Variants in AP3B1 observed in about 807,000 individuals in gnomAD.
AP3B1 encodes the protein adaptor related protein complex 3 subunit beta 1.
Under a neutral mutation model 132.5 loss-of-function variants are expected in AP3B1, and 61 were observed. The observed-to-expected ratio is 0.46, with a 90% CI of 0.37 to 0.57. The LOEUF (loss-of-function observed/expected upper bound fraction) is 0.57, where lower values mean the gene tolerates loss of function less well. AP3B1 is among the 20% of genes least tolerant of loss of function. The pLI is 0.00. For synonymous variants in AP3B1, 388 were observed against 438.3 expected (o/e 0.89, Z 1.43); for missense variants, 1,120 against 1,289.4 (o/e 0.87, Z 2.01).
At chr5:78,273,548 G>A (rs13158128) in intron 1 of AP3B1, among the ~76,000 whole-genome samples, 34,288 of 152,046 alleles carry the variant, frequency 0.23, 4,535 homozygotes, top group Middle Eastern at 0.31. Context: ...GGCTGCCACA[G>A]TGACTGAGAC....
intron 1 of AP3B1, among the ~76,000 whole-genome samples, chr5:78,274,016 C>CA (rs1561214334): frequency 2.7e-5 from 3 of 113,038 alleles, no homozygotes; most frequent in South Asian, 2.9e-4. Context: ...TACCCCCGCC[C>CA]AAAAAAGAAA....
chr5:78,158,747 A>C (rs1227055524), intron 13 of AP3B1, among the ~76,000 whole-genome samples: 1 of 150,664 alleles, frequency 6.6e-6, no homozygotes, highest in Non-Finnish European at 1.5e-5. Flanking sequence ...CTGAGGCTGG[A>C]GTGCAGTGGC....
intron 20 of AP3B1, among the ~76,000 whole-genome samples, chr5:78,103,589 T>G (rs1035165816): frequency 1.3e-5 from 2 of 152,190 alleles, no homozygotes; most frequent in African/African-American, 4.8e-5. Flanking sequence ...AATTTGTTTT[T>G]GTATATTTTT....
At chr5:78,228,574 A>G (rs896420978) in intron 3 of AP3B1, among the ~76,000 whole-genome samples, 2 of 152,238 alleles carry the variant, frequency 1.3e-5, no homozygotes, top group African/African-American at 4.8e-5. Flanking sequence ...AAAAGAAAGA[A>G]GCCAGGCATG....
At chr5:78,209,149 G>C (rs78216650) in intron 7 of AP3B1, among the ~76,000 whole-genome samples, 1 of 151,588 alleles carries the variant, frequency 6.6e-6, no homozygotes, top group Non-Finnish European at 1.5e-5. Flanking sequence ...CCACCTGAAG[G>C]GACCCCTTCT....
At chr5:78,113,724 T>C (rs760738097) in intron 19 of AP3B1, 28 bp downstream of exon 19, 12 of 1,611,678 alleles carry the variant, frequency 7.4e-6, no homozygotes, top group Non-Finnish European at 8.5e-6. Flanking sequence ...GAATATTTTT[T>C]GAAGGAAATT....
intron 1 of AP3B1, among the ~76,000 whole-genome samples, chr5:78,280,938 A>T (rs1268974658): frequency 6.6e-6 from 1 of 152,172 alleles, no homozygotes; most frequent in Non-Finnish European, 1.5e-5. Context: ...ACACTCAAAA[A>T]TGGTTAAGAT....
rs184238249 is a variant in AP3B1, at chr5:78,025,902, T to C, written c.2895-5113A>G. On this transcript the variant is annotated intron_variant, in intron 24 of 26. Coordinates refer to ENST00000255194, the MANE Select transcript of AP3B1 (RefSeq NM_003664.5). ...CACTTTGTAAGCCAGTTTCATCTTG[T>C]AAGCAAGGCGTGGCTTATAATAGAA... Among the ~76,000 whole-genome samples, 287 of 152,324 alleles carry C rather than the reference T, an allele frequency of 1.9e-3. 2 individuals are homozygous for C. Among genetic ancestry groups the C allele is most frequent in the Non-Finnish European group, 6.5e-4 (44 of 68,026 alleles).
intron 1 of AP3B1, among the ~76,000 whole-genome samples, chr5:78,286,999 T>C (rs1749308833): frequency 6.6e-6 from 1 of 152,226 alleles, no homozygotes; most frequent in Admixed American, 6.5e-5. Flanking sequence ...AGTAGTTCAT[T>C]TATATACACA....
At chr5:78,257,357 G>A (rs112380115) in intron 2 of AP3B1, among the ~76,000 whole-genome samples, 14 of 152,284 alleles carry the variant, frequency 9.2e-5, no homozygotes, top group Non-Finnish European at 1.5e-4. Context: ...AAAATCAGGA[G>A]CATTTCTATA....
chr5:78,111,118 A>T (rs1751573568), intron 19 of AP3B1, among the ~76,000 whole-genome samples: 1 of 152,164 alleles, frequency 6.6e-6, no homozygotes, highest in Non-Finnish European at 1.5e-5. Flanking sequence ...TATTTTATAC[A>T]TTTTCTACCC....
intron 1 of AP3B1, among the ~76,000 whole-genome samples, chr5:78,281,333 C>T (rs1749043385): frequency 6.7e-6 from 1 of 150,014 alleles, no homozygotes; most frequent in South Asian, 2.1e-4. Flanking sequence ...ACTCAAGAAG[C>T]TGAGGCAGGA....
chr5:78,154,097 A>C (rs1375922717), intron 14 of AP3B1, among the ~76,000 whole-genome samples: 1 of 152,164 alleles, frequency 6.6e-6, no homozygotes, highest in African/African-American at 2.4e-5. Context: ...TTTCAGATTG[A>C]AGAGCTCCTT....
intron 10 of AP3B1, 28 bp from the exon 11 acceptor site, chr5:78,175,725 A>C: frequency 6.2e-7 from 1 of 1,609,586 alleles, no homozygotes; most frequent in Non-Finnish European, 8.5e-7. Context: ...ATACAAAAAT[A>C]CATTATGGTA....
chr5:78,157,005 T>C (rs1008604596), intron 13 of AP3B1, among the ~76,000 whole-genome samples: 3 of 152,152 alleles, frequency 2.0e-5, no homozygotes, highest in South Asian at 2.1e-4. Context: ...GGCCCACCTG[T>C]AGTCTGCCTC....
intron 22 of AP3B1, among the ~76,000 whole-genome samples, chr5:78,079,228 T>G (rs1345830532): frequency 6.6e-6 from 1 of 152,200 alleles, no homozygotes; most frequent in Non-Finnish European, 1.5e-5. Flanking sequence ...TTTTTTGAAA[T>G]AAAATCTAAA....
intron 22 of AP3B1, among the ~76,000 whole-genome samples, chr5:78,071,659 T>C (rs971864786): frequency 1.3e-5 from 2 of 152,130 alleles, no homozygotes; most frequent in Non-Finnish European, 1.5e-5. Context: ...CTCTGGAAAA[T>C]AGGAAGGGTT....
intron 6 of AP3B1, among the ~76,000 whole-genome samples, chr5:78,219,077 C>T (rs1746076355): frequency 1.3e-5 from 2 of 152,040 alleles, no homozygotes; most frequent in Admixed American, 1.3e-4. Context: ...TACGGTTTAG[C>T]TATACACTAC....
intron 14 of AP3B1, among the ~76,000 whole-genome samples, chr5:78,150,163 A>G (rs1185849979): frequency 1.3e-5 from 2 of 152,204 alleles, no homozygotes; most frequent in Non-Finnish European, 2.9e-5. Context: ...CCTAAACTAC[A>G]TCTGCATTTA....
Sources: gnomAD v4.1 joint callset for allele counts (sites outside exome capture counted in the v4.1 genomes callset) on GRCh38, gnomAD v4.1.1 for gene constraint, MANE v1.5 for transcripts, NCBI Gene and HGNC (gene_info 2026-07-23, HGNC 2026-07-21) for gene names.